The following MTMR11 variants were observed in gnomAD, a reference collection of about 807,000 sequenced individuals.
The protein encoded by MTMR11 is myotubularin-related protein 11.
MTMR11 carries 89 observed loss-of-function variants against 100.0 expected under a neutral mutation model. The ratio of observed to expected loss-of-function variants is 0.89; its 90% confidence interval spans 0.75 to 1.06. The LOEUF (loss-of-function observed/expected upper bound fraction) is 1.06, where lower values mean the gene tolerates loss of function less well. Among genes scored for constraint, MTMR11 ranks in the 50% least tolerant of loss-of-function variants. The pLI is 0.00. For missense variants in MTMR11, 809 were observed against 873.7 expected (o/e 0.93, Z 0.93); for synonymous variants, 336 against 326.3 (o/e 1.03, Z -0.32).
Position 149,929,626 on chromosome 1 carries a change from G to A in MTMR11, c.1938C>T (p.Val646=). 1 of 1,610,152 alleles carries A rather than the reference G, an allele frequency of 6.2e-7. No homozygotes were observed. The highest frequency in any genetic ancestry group is 8.5e-7 in the Non-Finnish European group (1 of 1,178,406). The change falls in exon 16 of 17, where the codon GTC becomes GTT. Residue 646 remains valine (V), a synonymous_variant. Coordinates refer to ENST00000439741, the MANE Select transcript of MTMR11 (RefSeq NM_001145862.2). ...RRCYLRGRPE[V]QMGLSAPTIS... ...CCAGTCTATTTTCCCTTCTTACCTGGACCTCAGGCCTTCCCCTCAGGTAGC... is the reference window on the plus strand; with the variant it reads ...CCAGTCTATTTTCCCTTCTTACCTGAACCTCAGGCCTTCCCCTCAGGTAGC...
intron 14 of MTMR11, 98 bp from the exon 15 acceptor site, chr1:149,930,645 A>G (rs2092646160): frequency 7.2e-7 from 1 of 1,381,678 alleles, no homozygotes; most frequent in South Asian, 1.4e-5. Context: ...GGAAAGATGT[A>G]GGGCAAAAGT....
chr1:149,932,168 GAGA>G, intron 11 of MTMR11, 93 bp downstream of exon 11: 1 of 1,429,618 alleles, frequency 7.0e-7, no homozygotes, highest in East Asian at 2.3e-5. Flanking sequence ...GGAAACCGAG[GAGA>G]AGAACTAAAG....
Position 149,935,724 on chromosome 1 carries a change from A to C in MTMR11, c.143-19T>G, listed in dbSNP as rs1553769038. On this transcript the variant is annotated intron_variant, in intron 2 of 16. Coordinates refer to ENST00000439741, the MANE Select transcript of MTMR11 (RefSeq NM_001145862.2). ...TGCTCCCCTAAAGGGGAAGAAGGGA[A>C]GCCCTGTTATGACTGTTCCCAGTGT... 3 of 1,573,180 alleles carry C rather than the reference A, an allele frequency of 1.9e-6. No homozygotes were observed. Among genetic ancestry groups the C allele is most frequent in the Non-Finnish European group, 8.6e-7 (1 of 1,158,478 alleles).
chr1:149,935,206 C>G, intron 4 of MTMR11, 78 bp from the exon 5 acceptor site: 1 of 1,607,100 alleles, frequency 6.2e-7, no homozygotes, highest in Non-Finnish European at 8.5e-7. Flanking sequence ...CCATCCCACT[C>G]CATCCCTGCT....
chr1:149,936,667 G>C lies in MTMR11; in HGVS notation c.-20C>G, dbSNP rs1013433519. 125 of 1,514,020 alleles carry C rather than the reference G, an allele frequency of 8.3e-5. No homozygotes were observed. Among genetic ancestry groups the C allele is most frequent in the Non-Finnish European group, 1.1e-4 (119 of 1,112,974 alleles). 93.8% of individuals were successfully genotyped at this position (1,514,020 alleles called of 1,614,324 possible). A position where few individuals can be genotyped will look rare whatever the true frequency, so the allele number is the denominator to read the frequency against. On this transcript the variant is annotated 5_prime_UTR_variant, in exon 1 of 17. Coordinates refer to ENST00000439741, the MANE Select transcript of MTMR11 (RefSeq NM_001145862.2). ...CCACATTTCTCTGGCTCCATCCGGGGACACAGCAGTTAAGGGTGGGAAACC... is the reference window on the plus strand; with the variant it reads ...CCACATTTCTCTGGCTCCATCCGGGCACACAGCAGTTAAGGGTGGGAAACC...
chr1:149,930,100 A>G (rs782728885), intron 15 of MTMR11, 184 bp from the exon 16 acceptor site: 1 of 745,092 alleles, frequency 1.3e-6, no homozygotes, highest in African/African-American at 1.8e-5. Context: ...GGGACTGATT[A>G]AGGTTGATTT....
rs587637306 is a variant in MTMR11, at chr1:149,931,140, C to T, written c.1290+120G>A. 1.2e-5 allele frequency: 18 copies of T among 1,441,294 alleles called. No homozygotes were observed. In the Admixed American group the frequency reaches 3.9e-4, roughly 31 times the overall value. 89.3% of individuals were successfully genotyped at this position (1,441,294 alleles called of 1,614,324 possible). A position where few individuals can be genotyped will look rare whatever the true frequency, so the allele number is the denominator to read the frequency against. On this transcript the variant is annotated intron_variant, in intron 13 of 16. Transcript: ENST00000439741. Reference sequence around the variant, plus strand: ...AGGCCTCACTCATCAGGATCTTCGTCCCAGCCTAACCTCGGGGCCCTTCTG... The same window carrying T: ...AGGCCTCACTCATCAGGATCTTCGTTCCAGCCTAACCTCGGGGCCCTTCTG...
Position 149,930,561 on chromosome 1 carries a change from G to A in MTMR11, c.1465-14C>T. On this transcript the variant is annotated splice_polypyrimidine_tract_variant and intron_variant, in intron 14 of 16. Transcript: ENST00000439741. ...ATAGGAGTTTAACTGGACAGAGGAA[G>A]CAAGAAAAAGGATGGTTACACACAA... 2 of 1,595,740 alleles carry A rather than the reference G, an allele frequency of 1.3e-6. No individual in the cohort carries two copies. The highest frequency in any genetic ancestry group is 1.1e-5 in the South Asian group (1 of 89,588).
intron 14 of MTMR11, 61 bp from the exon 15 acceptor site, chr1:149,930,608 A>C (rs2092645670): frequency 6.8e-7 from 1 of 1,468,374 alleles, no homozygotes; most frequent in Non-Finnish European, 9.3e-7. Flanking sequence ...CTAGAGACAA[A>C]TCATGAGATT....
chr1:149,930,738 G>C, intron 14 of MTMR11, 54 bp downstream of exon 14: 1 of 1,497,064 alleles, frequency 6.7e-7, no homozygotes, highest in South Asian at 1.4e-5. Context: ...CCAAACTTCA[G>C]AGAGTACATC....
intron 14 of MTMR11, 70 bp from the exon 15 acceptor site, chr1:149,930,617 T>C (rs2092645728): frequency 7.0e-7 from 1 of 1,436,130 alleles, no homozygotes; most frequent in Non-Finnish European, 9.5e-7. Flanking sequence ...AATCATGAGA[T>C]TCTCACCTCT....
At position 149,929,688 on chromosome 1, in the gene MTMR11, C is replaced by G; in HGVS notation, c.1876G>C (p.Gly626Arg). ...CPLPPGLLLP[G>R]YLGPQIRLWR... Reference sequence around the variant, plus strand: ...AGCCTGATCTGGGGTCCCAGATACCCAGGCAGCAGCAGCCCTGGAGGTAAA... The same window carrying G: ...AGCCTGATCTGGGGTCCCAGATACCGAGGCAGCAGCAGCCCTGGAGGTAAA... Residue 626 changes from glycine (G) to arginine (R), a missense_variant, in exon 16 of 17, where the codon GGG becomes CGG. By Grantham distance (125) the Gly-to-Arg change is moderately radical. Transcript: ENST00000439741. 1.2e-6 allele frequency: 2 copies of G among 1,614,106 alleles called. No homozygotes were observed. Among genetic ancestry groups the G allele is most frequent in the Non-Finnish European group, 1.7e-6 (2 of 1,180,014 alleles).
In MTMR11 at chr1:149,935,284, C is replaced by G. The variant is rs782497456; in HGVS notation, c.325+15G>C. 21 of 1,604,174 alleles carry G rather than the reference C, an allele frequency of 1.3e-5. No individual in the cohort carries two copies. The highest frequency in any genetic ancestry group is 1.8e-5 in the Non-Finnish European group (21 of 1,177,166). On this transcript the variant is annotated intron_variant, in intron 4 of 16. Coordinates refer to ENST00000439741, the MANE Select transcript of MTMR11 (RefSeq NM_001145862.2). Reference sequence around the variant, plus strand: ...ACCCCAGTGAACCCCTTCACCAAACCCCCCCCCAACTTACCAGCCTCTAAT... The same window carrying G: ...ACCCCAGTGAACCCCTTCACCAAACGCCCCCCCAACTTACCAGCCTCTAAT...
chr1:149,931,812 A>G, intron 12 of MTMR11, 132 bp downstream of exon 12: 1 of 761,386 alleles, frequency 1.3e-6, no homozygotes, highest in Non-Finnish European at 2.2e-6. Context: ...GAAGGATGAG[A>G]GTAGAGCTCG....
intron 12 of MTMR11, 157 bp from the exon 13 acceptor site, chr1:149,931,583 A>G (rs1275597784): frequency 1.5e-6 from 1 of 663,002 alleles, no homozygotes; most frequent in African/African-American, 1.8e-5. Context: ...TGAAGAGAAA[A>G]CAAAGACCTT....
rs923434316 is a variant in MTMR11 at position 149,933,701 on chromosome 1, T to C, written c.772-3A>G. The stretch of plus-strand genomic sequence containing the variant: ...CCAGGGTGATGCCAGGACAAGCGCT[T>C]CACATGGGGCAGAAGAGGGTCATTG... On this transcript the variant is annotated splice_polypyrimidine_tract_variant and splice_region_variant and intron_variant, in intron 8 of 16. Coordinates refer to ENST00000439741, the MANE Select transcript of MTMR11 (RefSeq NM_001145862.2). 2.2e-5 allele frequency: 35 copies of C among 1,613,946 alleles called. No homozygotes were observed. The African/African-American group carries it at 4.3e-4, about 20-fold the overall frequency.
rs2092711235 is a variant in MTMR11 at position 149,935,561 on chromosome 1, T to G, written c.264+23A>C. 5.6e-6 allele frequency: 9 copies of G among 1,610,884 alleles called. No homozygotes were observed. The East Asian group carries it at 2.0e-4, about 36-fold the overall frequency. On this transcript the variant is annotated intron_variant, in intron 3 of 16. Coordinates refer to ENST00000439741, the MANE Select transcript of MTMR11 (RefSeq NM_001145862.2). Reference sequence around the variant, plus strand: ...CTACCCATTTCCCACTAGCTGTCATTTCTGTGGCCCCAACCATCTCACCTG... The same window carrying G: ...CTACCCATTTCCCACTAGCTGTCATGTCTGTGGCCCCAACCATCTCACCTG...
Position 149,929,299 on chromosome 1 carries a change from T to C in MTMR11, c.1960A>G (p.Thr654Ala), listed in dbSNP as rs1553766822. Reference protein sequence around the residue: ...PEVQMGLSAPTISGLQDELSH... With the variant: ...PEVQMGLSAPAISGLQDELSH... ...AGCTCATCCTGGAGGCCAGAGATTGTGGGAGCTGAGAGGCCCATCTGGGGA... is the reference window on the plus strand; with the variant it reads ...AGCTCATCCTGGAGGCCAGAGATTGCGGGAGCTGAGAGGCCCATCTGGGGA... Residue 654 changes from threonine to alanine, a missense_variant, in exon 17 of 17, where the codon ACA becomes GCA. Thr to Ala is a moderately conservative substitution (Grantham distance 58). Coordinates refer to ENST00000439741, the MANE Select transcript of MTMR11 (RefSeq NM_001145862.2). 6.2e-7 allele frequency: 1 copy of C among 1,614,030 alleles called. No individual in the cohort carries two copies. Among genetic ancestry groups the C allele is most frequent in the Non-Finnish European group, 8.5e-7 (1 of 1,179,934 alleles).
chr1:149,932,366 T>G lies in MTMR11; in HGVS notation c.986-36A>C, dbSNP rs782700022. 7.1e-6 allele frequency: 11 copies of G among 1,556,758 alleles called. 1 individual carries two copies. The highest frequency in any genetic ancestry group is 9.7e-6 in the Non-Finnish European group (11 of 1,129,824). On this transcript the variant is annotated intron_variant, in intron 10 of 16. Coordinates refer to ENST00000439741, the MANE Select transcript of MTMR11 (RefSeq NM_001145862.2). ...GTAGAAAGATCAGAAGGGCAAGAGATTAGAACTCAGGATTCAGGATTCAGG... is the reference window on the plus strand; with the variant it reads ...GTAGAAAGATCAGAAGGGCAAGAGAGTAGAACTCAGGATTCAGGATTCAGG...
Sources: allele counts gnomAD v4.1 joint callset, GRCh38; gene constraint gnomAD v4.1.1; transcripts MANE v1.5; gene names NCBI Gene and HGNC (gene_info 2026-07-23, HGNC 2026-07-21).